Variants in MUS81 observed in about 807,000 individuals in gnomAD.
MUS81 encodes MUS81 structure-specific endonuclease subunit.
Under a neutral mutation model 74.2 loss-of-function variants are expected in MUS81, and 69 were observed. The ratio of observed to expected loss-of-function variants is 0.93; its 90% confidence interval spans 0.77 to 1.14. The LOEUF is 1.14. Ranked by LOEUF, MUS81 falls within the 50% of genes most tolerant of loss-of-function variation. MUS81 has a pLI of 0.00. For missense variants in MUS81, 711 were observed against 726.5 expected, an observed-to-expected ratio of 0.98 and a Z score of 0.25; for synonymous variants, 303 against 300.6, an observed-to-expected ratio of 1.01 and a Z score of -0.08.
Position 65,862,065 on chromosome 11 carries a change from G to A in MUS81, c.450+20G>A, listed in dbSNP as rs201143495. On this transcript the variant is annotated intron_variant, in intron 4 of 15. Transcript: ENST00000308110. ...CACCTGGTGAGCACTGGGCTACACC[G>A]GGAGGCGGAACCATGGCAGTGGGGT... The A allele has an allele frequency of 5.1e-4, 820 of 1,602,808 alleles. 13 individuals carry two copies. In the East Asian group the frequency reaches 0.015, roughly 29 times the overall value.
rs935216162 is a variant in MUS81 at position 65,861,572 on chromosome 11, C to G, written c.351+137C>G. ...TTGAGCAAATGACTTATCCTCTTTT[C>G]GACTTAGTATTTTAACCTGTGAATA... On this transcript the variant is annotated intron_variant, in intron 3 of 15. Coordinates refer to ENST00000308110, the MANE Select transcript of MUS81 (RefSeq NM_025128.5). 10 of 678,194 alleles carry G rather than the reference C, an allele frequency of 1.5e-5. No individual in the cohort carries two copies. The South Asian group carries it at 1.9e-4, about 13-fold the overall frequency. The allele number at this position is 678,194 out of a possible 1,614,324, so 42.0% of individuals were successfully genotyped here.
rs763425714 is a variant in MUS81 at position 65,864,717 on chromosome 11, C to T, written c.1177-3C>T. 3.7e-6 allele frequency: 6 copies of T among 1,614,104 alleles called. No homozygotes were observed. The highest frequency in any genetic ancestry group is 5.1e-6 in the Non-Finnish European group (6 of 1,180,012). ...CTTCCCTCTCTTGGGTCCTCTTCCC[C>T]AGGTCATTGATGGCTTTTTTGTGAA... On this transcript the variant is annotated splice_polypyrimidine_tract_variant and splice_region_variant and intron_variant, in intron 11 of 15. Transcript: ENST00000308110.
At position 65,865,324 on chromosome 11, in the gene MUS81, G is replaced by C. The variant is rs113133056; in HGVS notation, c.1505+1G>C. On this transcript the variant is annotated splice_donor_variant, in intron 14 of 15. Coordinates refer to ENST00000308110, the MANE Select transcript of MUS81 (RefSeq NM_025128.5). LOFTEE classifies it high-confidence loss of function. ...TGGATCGATACAGCACCCCTGCCAG[G>C]TAGGCCCTAAAGGGCCCTTAGGTGT... 1.2e-6 allele frequency: 2 copies of C among 1,613,346 alleles called. No homozygotes were observed. Among genetic ancestry groups the C allele is most frequent in the Non-Finnish European group, 1.7e-6 (2 of 1,179,624 alleles).
Position 65,864,977 on chromosome 11 carries a change from C to G in MUS81, c.1273-40C>G, listed in dbSNP as rs1591061199. 2.5e-6 allele frequency: 4 copies of G among 1,608,332 alleles called. No individual in the cohort carries two copies. The African/African-American group carries it at 4.0e-5, about 16-fold the overall frequency. On this transcript the variant is annotated intron_variant, in intron 12 of 15. Transcript: ENST00000308110. The stretch of plus-strand genomic sequence containing the variant: ...GGGCAGGGGCTGGCTGGAGTTGTTC[C>G]TTCGAGCTCCAGCCTGGCCTCAGTC...
chr11:65,862,288 A>C lies in MUS81; in HGVS notation c.519+9A>C. 6.2e-7 allele frequency: 1 copy of C among 1,613,620 alleles called. No individual in the cohort carries two copies. Among genetic ancestry groups the C allele is most frequent in the Non-Finnish European group, 8.5e-7 (1 of 1,179,878 alleles). On this transcript the variant is annotated intron_variant, in intron 5 of 15. Coordinates refer to ENST00000308110, the MANE Select transcript of MUS81 (RefSeq NM_025128.5). ...CTCAGAAGTCCCCCAGGGTGAGCAC[A>C]GGGATCAGGGAGGACAGGCCCAAGT...
chr11:65,864,530 G>C lies in MUS81; in HGVS notation c.1093G>C (p.Val365Leu). The stretch of plus-strand genomic sequence containing the variant: ...GAAGCGCTGTGGTCTGGAGCGCCGG[G>C]TATACCTGGTGGAAGAGCATGGTTC... ...RLKRCGLERR[V>L]YLVEEHGSVH... Residue 365 changes from valine to leucine, a missense_variant, in exon 11 of 16, where the codon GTA becomes CTA. Transcript: ENST00000308110. 1 of 1,614,166 alleles carries C rather than the reference G, an allele frequency of 6.2e-7. No individual in the cohort carries two copies. The highest frequency in any genetic ancestry group is 8.5e-7 in the Non-Finnish European group (1 of 1,180,026).
At position 65,864,724 on chromosome 11, in the gene MUS81, T is replaced by C. The variant is rs1219339257; in HGVS notation, c.1181T>C (p.Ile394Thr). 1.2e-6 allele frequency: 2 copies of C among 1,614,096 alleles called. No individual in the cohort carries two copies. The highest frequency in any genetic ancestry group is 2.2e-5 in the East Asian group (1 of 44,880). ...CTCTTGGGTCCTCTTCCCCAGGTCA[T>C]TGATGGCTTTTTTGTGAAGCGCACA... is the stretch of plus-strand genomic sequence containing the variant. ...LLQAVTNTQV[I>T]DGFFVKRTAD... Residue 394 changes from isoleucine (I) to threonine (T), a missense_variant, in exon 12 of 16, where the codon ATT (isoleucine) becomes ACT (threonine). Transcript: ENST00000308110.
chr11:65,862,603 T>A, intron 6 of MUS81, 74 bp downstream of exon 6: 2 of 1,300,684 alleles, frequency 1.5e-6, no homozygotes, highest in African/African-American at 1.5e-5. Flanking sequence ...ACCCAACAAC[T>A]CCCAGAGCTG....
upstream of MUS81, chr11:65,860,121 C>A: frequency 2.6e-6 from 1 of 388,680 alleles, no homozygotes; most frequent in Non-Finnish European, 5.4e-6. Flanking sequence ...CCATTTCCTC[C>A]AAGGGTCCTG....
intron 12 of MUS81, 92 bp downstream of exon 12, chr11:65,864,907 G>C (rs1320191441): frequency 6.3e-7 from 1 of 1,577,668 alleles, no homozygotes; most frequent in African/African-American, 1.3e-5. Context: ...AAGCAAGGTG[G>C]GTGAGATCCC....
upstream of MUS81, chr11:65,860,232 C>T (rs752607860): frequency 4.4e-6 from 2 of 455,790 alleles, no homozygotes; most frequent in African/African-American, 2.0e-5. Flanking sequence ...TAGCCCCCGC[C>T]TCTCCTGGAC....
Position 65,860,705 on chromosome 11 carries a change from C to T in MUS81, c.-49C>T. The T allele has an allele frequency of 2.6e-6, 4 of 1,532,390 alleles. No homozygotes were observed. The highest frequency in any genetic ancestry group is 3.5e-6 in the Non-Finnish European group (4 of 1,145,506). 94.9% of individuals were successfully genotyped at this position (1,532,390 alleles called of 1,614,324 possible). A position where few individuals can be genotyped will look rare whatever the true frequency, so the allele number is the denominator to read the frequency against. Reference sequence around the variant, plus strand: ...CGAATCCCGACTCCAGAACTGGCGGCGTCCCAGTCCCGCGGGCGTGGAGCG... The same window carrying T: ...CGAATCCCGACTCCAGAACTGGCGGTGTCCCAGTCCCGCGGGCGTGGAGCG... On this transcript the variant is annotated 5_prime_UTR_variant, in exon 1 of 16. Transcript: ENST00000308110.
Position 65,860,504 on chromosome 11 carries a change from C to A in MUS81, c.-250C>A. On this transcript the variant is annotated 5_prime_UTR_variant, in exon 1 of 16. Transcript: ENST00000308110. ...TCTCAAAGGCTGGCTGGAGTGGAGCCAAGGGAAAAGATCGTTAGAGACAGC... is the reference window on the plus strand; with the variant it reads ...TCTCAAAGGCTGGCTGGAGTGGAGCAAAGGGAAAAGATCGTTAGAGACAGC... 1.7e-6 allele frequency: 1 copy of A among 587,444 alleles called. No individual in the cohort carries two copies. 36.4% of individuals were successfully genotyped at this position (587,444 alleles called of 1,614,324 possible). A position where few individuals can be genotyped will look rare whatever the true frequency, so the allele number is the denominator to read the frequency against.
intron 6 of MUS81, among the ~76,000 whole-genome samples, 175 bp from the exon 7 acceptor site, chr11:65,862,890 G>A (rs547178058): frequency 6.6e-6 from 1 of 152,366 alleles, no homozygotes; most frequent in Admixed American, 6.5e-5. Flanking sequence ...ATGGCGCTGA[G>A]CAGGCCCAAG....
chr11:65,866,328 T>C lies in MUS81; in HGVS notation c.*276T>C, dbSNP rs1859834916. On this transcript the variant is annotated 3_prime_UTR_variant, in exon 16 of 16. Coordinates refer to ENST00000308110, the MANE Select transcript of MUS81 (RefSeq NM_025128.5). ...ATTGCAGCTTGGAATCTATTTTATG[T>C]CACCAGTTGGTCCTCATCAAATAAA... The C allele has an allele frequency of 1.7e-6, 1 of 600,684 alleles. No individual in the cohort carries two copies. The highest frequency in any genetic ancestry group is 2.1e-5 in the South Asian group (1 of 47,574). The allele number at this position is 600,684 out of a possible 1,614,324, so 37.2% of individuals were successfully genotyped here. A position where few individuals can be genotyped will look rare whatever the true frequency, so the allele number is the denominator to read the frequency against.
intron 10 of MUS81, chr11:65,864,175 A>C: frequency 1.7e-6 from 1 of 585,704 alleles, no homozygotes; most frequent in Non-Finnish European, 3.1e-6. Context: ...ACAAGGCATA[A>C]ACCTCCAGGA....
intron 5 of MUS81, 30 bp downstream of exon 5, chr11:65,862,309 C>T: frequency 6.2e-7 from 1 of 1,611,922 alleles, no homozygotes. Flanking sequence ...AGGACAGGCC[C>T]AAGTGGCTCT....
intron 7 of MUS81, 73 bp downstream of exon 7, chr11:65,863,278 A>G (rs998100871): frequency 1.8e-4 from 289 of 1,579,184 alleles, no homozygotes; most frequent in Non-Finnish European, 2.4e-4. Context: ...CCCCGCCCCA[A>G]CCCATCACCT....
intron 6 of MUS81, 150 bp from the exon 7 acceptor site, chr11:65,862,915 G>A (rs1253858814): frequency 1.0e-6 from 1 of 963,528 alleles, no homozygotes; most frequent in African/African-American, 1.6e-5. Flanking sequence ...TGCTCTAAGA[G>A]CCAAGAAGAC....
Sources: gnomAD v4.1 joint callset for allele counts (sites outside exome capture counted in the v4.1 genomes callset) on GRCh38, gnomAD v4.1.1 for gene constraint, MANE v1.5 for transcripts, NCBI Gene and HGNC (gene_info 2026-07-23, HGNC 2026-07-21) for gene names.